The following STAT5A variants were observed in gnomAD, a reference collection of about 807,000 sequenced individuals.
STAT5A encodes the protein signal transducer and activator of transcription 5A.
A neutral mutation model predicts 100.2 loss-of-function variants in STAT5A; 26 were observed. The ratio of observed to expected loss-of-function variants is 0.26; its 90% confidence interval spans 0.19 to 0.36. STAT5A has a LOEUF of 0.36. Ranked by LOEUF, STAT5A falls within the 10% of genes least tolerant of loss-of-function variation. STAT5A has a pLI of 1.00. For missense variants in STAT5A, 634 were observed against 1,027.5 expected, an observed-to-expected ratio of 0.62 and a Z score of 5.24; for synonymous variants, 330 against 424.3, an observed-to-expected ratio of 0.78 and a Z score of 2.73.
At chr17:42,301,496 G>T (rs1361347408) in intron 9 of STAT5A, 42 bp downstream of exon 9, 2 of 1,611,156 alleles carry the variant, frequency 1.2e-6, no homozygotes, top group East Asian at 4.5e-5. Context: ...CTTAGGTGTG[G>T]GGGACCTGCA....
intron 17 of STAT5A, 120 bp downstream of exon 17, chr17:42,309,218 G>T: frequency 6.3e-7 from 1 of 1,582,486 alleles, no homozygotes; most frequent in Non-Finnish European, 8.7e-7. Flanking sequence ...CTCAGCCCTG[G>T]GGAGGGAGTC....
chr17:42,309,717 C>A, intron 18 of STAT5A: 1 of 462,266 alleles, frequency 2.2e-6, no homozygotes, highest in Non-Finnish European at 3.9e-6. Flanking sequence ...CTCTGATGCT[C>A]AAGTTTCCTT....
At chr17:42,302,509 T>C (rs1358951757) in intron 9 of STAT5A, among the ~76,000 whole-genome samples, 2 of 110,396 alleles carry the variant, frequency 1.8e-5, no homozygotes, top group Admixed American at 7.9e-5. Context: ...ACAGAGACAT[T>C]ATGTGTAGCA....
At position 42,304,259 on chromosome 17, in the gene STAT5A, G is replaced by T; in HGVS notation, c.1170-83G>T. ...GGCTGCTGGCAGGGCTGACCTGAGC[G>T]AAGACCCCAGCCCGAGGTGTGGACA... On this transcript the variant is annotated intron_variant, in intron 9 of 18. Transcript: ENST00000590949. The surrounding 1 kb of genome is among the most constrained non-coding windows in gnomAD (Gnocchi z 4.8). 7.2e-7 allele frequency: 1 copy of T among 1,386,564 alleles called. No individual in the cohort carries two copies. The highest frequency in any genetic ancestry group is 1.0e-6 in the Non-Finnish European group (1 of 983,418). 85.9% of individuals were successfully genotyped at this position (1,386,564 alleles called of 1,614,324 possible).
Position 42,300,210 on chromosome 17 carries a change from G to C in STAT5A, c.762G>C (p.Gln254His). The change falls in exon 7 of 19, where the codon CAG becomes CAC. Residue 254 changes from glutamine (Q) to histidine (H), a missense_variant. Gln to His is a conservative substitution (Grantham distance 24, BLOSUM62 0). Transcript: ENST00000590949. ...TCATCCTGGATGACGAGCTGATCCAGTGGAAGCGGCGGCAGCAGCTGGCCG... is the reference window on the plus strand; with the variant it reads ...TCATCCTGGATGACGAGCTGATCCACTGGAAGCGGCGGCAGCAGCTGGCCG... ...QTIILDDELIQWKRRQQLAGN... is the reference protein window; with the variant it reads ...QTIILDDELIHWKRRQQLAGN... The C allele has an allele frequency of 6.6e-7, 1 of 1,512,658 alleles. No homozygotes were observed. Among genetic ancestry groups the C allele is most frequent in the South Asian group, 1.2e-5 (1 of 81,100 alleles). The allele number at this position is 1,512,658 out of a possible 1,614,324, so 93.7% of individuals were successfully genotyped here. A position where few individuals can be genotyped will look rare whatever the true frequency, so the allele number is the denominator to read the frequency against.
chr17:42,301,178 C>A, intron 8 of STAT5A, 97 bp from the exon 9 acceptor site: 1 of 1,542,924 alleles, frequency 6.5e-7, no homozygotes, highest in East Asian at 2.3e-5. Context: ...CCTCCTGAGC[C>A]CCATGGGAGG....
intron 5 of STAT5A, among the ~76,000 whole-genome samples, chr17:42,298,215 G>C (rs142711540): frequency 0.019 from 2,815 of 151,910 alleles, 98 homozygotes; most frequent in African/African-American, 0.066. Flanking sequence ...CTTGGCTGGA[G>C]TGCAGTGGTG....
At chr17:42,293,838 ATCT>A (rs2080893967) in intron 4 of STAT5A, among the ~76,000 whole-genome samples, 1 of 152,228 alleles carries the variant, frequency 6.6e-6, no homozygotes, top group Non-Finnish European at 1.5e-5. Context: ...GAGGGCATGA[ATCT>A]TCTTATCACA....
intron 3 of STAT5A, 37 bp downstream of exon 3, chr17:42,290,059 C>T: frequency 1.9e-6 from 3 of 1,565,234 alleles, no homozygotes; most frequent in Non-Finnish European, 2.6e-6. Flanking sequence ...GGGGAGGAAG[C>T]ATCATCTTGT....
intron 5 of STAT5A, among the ~76,000 whole-genome samples, chr17:42,297,769 G>C (rs983928588): frequency 6.6e-6 from 1 of 152,118 alleles, no homozygotes; most frequent in Non-Finnish European, 1.5e-5. Flanking sequence ...CTTCCTGCTC[G>C]ATACCTGCAG....
At position 42,308,165 on chromosome 17, in the gene STAT5A, G is replaced by A. The variant is rs779226951; in HGVS notation, c.1907-13G>A. ...GCTGGTGGATTATGGGAATGAGGCT[G>A]TTCTTTTCACAGCGGAACGCAACCT... On this transcript the variant is annotated splice_polypyrimidine_tract_variant and intron_variant, in intron 15 of 18. Coordinates refer to ENST00000590949, the MANE Select transcript of STAT5A (RefSeq NM_001288718.2). This position sits in a 1 kb window ranked among gnomAD's most constrained non-coding sequence, Gnocchi z 4.6. The A allele has an allele frequency of 1.9e-6, 3 of 1,613,416 alleles. No homozygotes were observed. The East Asian group carries it at 6.7e-5, about 36-fold the overall frequency.
At position 42,295,672 on chromosome 17, in the gene STAT5A, G is replaced by A. The variant is rs1270263760; in HGVS notation, c.429G>A (p.Gln143=). The A allele has an allele frequency of 1.9e-6, 3 of 1,613,860 alleles. No homozygotes were observed. The highest frequency in any genetic ancestry group is 2.5e-6 in the Non-Finnish European group (3 of 1,179,970). The change falls in exon 5 of 19, where the codon CAG becomes CAA. Residue 143 remains glutamine (Q), a synonymous_variant. Coordinates refer to ENST00000590949, the MANE Select transcript of STAT5A (RefSeq NM_001288718.2). Reference sequence around the variant, plus strand: ...ACGCCATGTCCCAGAAGCACCTTCAGATCAACCAGACATTTGAGGAGCTGC... The same window carrying A: ...ACGCCATGTCCCAGAAGCACCTTCAAATCAACCAGACATTTGAGGAGCTGC... The part of the protein sequence containing the change: ...LVDAMSQKHL[Q]INQTFEELRL...
intron 9 of STAT5A, among the ~76,000 whole-genome samples, chr17:42,302,701 A>G (rs1283329514): frequency 1.3e-5 from 2 of 152,198 alleles, no homozygotes; most frequent in Non-Finnish European, 1.5e-5. Context: ...TGGGAGGTAG[A>G]GGCAGGCAGA....
chr17:42,304,095 C>T lies in STAT5A; in HGVS notation c.1170-247C>T. 1 of 528,102 alleles carries T rather than the reference C, an allele frequency of 1.9e-6. No homozygotes were observed. The highest frequency in any genetic ancestry group is 2.7e-5 in the South Asian group (1 of 37,320). The allele number at this position is 528,102 out of a possible 1,614,324, so 32.7% of individuals were successfully genotyped here. ...AAGTCCCCAAAGCCCTCACATCAAT[C>T]TTGGTATCGAGGAATTTCTAATGAT... On this transcript the variant is annotated intron_variant, in intron 9 of 18. Coordinates refer to ENST00000590949, the MANE Select transcript of STAT5A (RefSeq NM_001288718.2). The surrounding 1 kb of genome is among the most constrained non-coding windows in gnomAD (Gnocchi z 4.8).
intron 4 of STAT5A, among the ~76,000 whole-genome samples, chr17:42,292,967 A>G (rs961187743): frequency 6.6e-6 from 1 of 152,038 alleles, no homozygotes; most frequent in Admixed American, 6.6e-5. Context: ...AATCATACCT[A>G]TCTGTGTCAG....
At chr17:42,292,997 C>T (rs537261603) in intron 4 of STAT5A, among the ~76,000 whole-genome samples, 3 of 152,128 alleles carry the variant, frequency 2.0e-5, no homozygotes, top group Non-Finnish European at 4.4e-5. Context: ...CACAGGCAGG[C>T]TCAGAGAAGT....
rs148006983 is a variant in STAT5A at position 42,300,922 on chromosome 17, C to T, written c.989+52C>T. 1.2e-3 allele frequency: 1,871 copies of T among 1,609,400 alleles called. 23 individuals carry two copies. The African/African-American group carries it at 0.021, about 18-fold the overall frequency. On this transcript the variant is annotated intron_variant, in intron 8 of 18. Transcript: ENST00000590949. ...AGGAGCTTGGGGCAGCTCCTGCCTG[C>T]GTGGGGGGAGCTGCAGGTGCCTTCC...
Position 42,308,330 on chromosome 17 carries a change from C to T in STAT5A, c.2059C>T (p.Leu687=). Reference sequence around the variant, plus strand: ...CTTCTCCAAGTACTACACTCCTGTGCTGGGTGGGTACTGCCCCAGGACCCT... The same window carrying T: ...CTTCTCCAAGTACTACACTCCTGTGTTGGGTGGGTACTGCCCCAGGACCCT... ...EVFSKYYTPV[L]AKAVDGYVKP... is the part of the protein sequence containing the mutation. Residue 687 remains leucine, a synonymous_variant, in exon 16 of 19, where the codon CTG becomes TTG. Coordinates refer to ENST00000590949, the MANE Select transcript of STAT5A (RefSeq NM_001288718.2). This position sits in a 1 kb window ranked among gnomAD's most constrained non-coding sequence, Gnocchi z 4.6. 1 of 1,614,200 alleles carries T rather than the reference C, an allele frequency of 6.2e-7. No homozygotes were observed. The highest frequency in any genetic ancestry group is 8.5e-7 in the Non-Finnish European group (1 of 1,180,024).
intron 17 of STAT5A, 98 bp downstream of exon 17, chr17:42,309,196 C>A (rs889415388): frequency 8.1e-6 from 13 of 1,604,554 alleles, no homozygotes; most frequent in South Asian, 1.1e-5. Context: ...TCCGCTCCCC[C>A]AGGGAACCTG....
Sources: allele counts gnomAD v4.1 joint callset (sites outside exome capture counted in the v4.1 genomes callset), GRCh38; gene constraint gnomAD v4.1.1; non-coding constraint Gnocchi (gnomAD v3.1); transcripts MANE v1.5; gene names NCBI Gene and HGNC (gene_info 2026-07-23, HGNC 2026-07-21).